The following FMN2 variants were observed in gnomAD, a reference collection of about 807,000 sequenced individuals.
FMN2 encodes the protein formin 2, also known as formin-2.
Under a neutral mutation model 142.3 loss-of-function variants are expected in FMN2, and 51 were observed. The ratio of observed to expected loss-of-function variants is 0.36; its 90% CI spans 0.29 to 0.45. FMN2 has a LOEUF of 0.45. Ranked by LOEUF, FMN2 falls within the 20% of genes least tolerant of loss-of-function variation. The probability of loss-of-function intolerance (pLI) is 1.00; values close to 1 mark genes in which losing one functional copy is unlikely to be tolerated. For synonymous variants in FMN2, 882 were observed against 869.8 expected, an observed-to-expected ratio of 1.01 and a Z score of -0.25; for missense variants, 1,936 against 2,122.8, an observed-to-expected ratio of 0.91 and a Z score of 1.73.
At chr1:240,439,232 C>A (rs1675514306) in intron 16 of FMN2, among the ~76,000 whole-genome samples, 1 of 142,586 alleles carries the variant, frequency 7.0e-6, no homozygotes, top group African/African-American at 2.7e-5. Context: ...GAGATCATGC[C>A]ACTGAACTTC....
intron 4 of FMN2, among the ~76,000 whole-genome samples, chr1:240,199,186 T>C (rs1052022561): frequency 1.3e-5 from 2 of 152,232 alleles, no homozygotes; most frequent in Non-Finnish European, 2.9e-5. Context: ...ATTTTACAGA[T>C]GTCTAGAGGT....
chr1:240,330,692 A>G lies in FMN2; in HGVS notation c.4527A>G (p.Gly1509=). Residue 1509 remains glycine, a synonymous_variant, in exon 11 of 18, where the codon GGA becomes GGG. Coordinates refer to ENST00000319653, the MANE Select transcript of FMN2 (RefSeq NM_020066.5). ...NYMNGGNKTR[G]QADGFGLDIL... The stretch of plus-strand genomic sequence containing the variant: ...TGAATGGAGGAAATAAGACTCGAGG[A>G]CAGGCAGATGGCTTTGGATTAGACA... 2 of 1,614,068 alleles carry G rather than the reference A, an allele frequency of 1.2e-6. No homozygotes were observed. Among genetic ancestry groups the G allele is most frequent in the Non-Finnish European group, 1.7e-6 (2 of 1,179,948 alleles).
Position 240,177,361 on chromosome 1 carries a change from C to CT in FMN2, c.1783-543dup, listed in dbSNP as rs201779468. ...TTGGCCAGAAGATCCCTATTCAATTCTTTTTTTTTTTTTTTTTCTTAGCAG... is the reference window on the plus strand; with the variant it reads ...TTGGCCAGAAGATCCCTATTCAATTCTTTTTTTTTTTTTTTTTTCTTAGCAG... On this transcript the variant is annotated intron_variant, in intron 2 of 17. Transcript: ENST00000319653. Among the ~76,000 whole-genome samples the CT allele has an allele frequency of 1.2e-3, 161 of 137,336 alleles. 2 individuals are homozygous for CT. Among genetic ancestry groups the CT allele is most frequent in the South Asian group, 2.6e-3 (11 of 4,292 alleles). 90.1% of individuals were successfully genotyped at this position (137,336 alleles called of 152,430 possible). A position where few individuals can be genotyped will look rare whatever the true frequency, so the allele number is the denominator to read the frequency against.
At chr1:240,409,503 G>A (rs1674326540) in intron 15 of FMN2, among the ~76,000 whole-genome samples, 3 of 152,112 alleles carry the variant, frequency 2.0e-5, no homozygotes, top group Admixed American at 6.6e-5. Flanking sequence ...AAGACATTTT[G>A]CATTTCTGTA....
intron 11 of FMN2, 38 bp downstream of exon 11, chr1:240,330,787 G>T (rs760010058): frequency 6.3e-7 from 1 of 1,597,598 alleles, no homozygotes; most frequent in Admixed American, 1.8e-5. Context: ...GCACATTGAG[G>T]AGTCAAGGTT....
chr1:240,206,676 T>A, intron 4 of FMN2, 123 bp from the exon 5 acceptor site: 1 of 1,188,700 alleles, frequency 8.4e-7, no homozygotes, highest in Non-Finnish European at 1.2e-6. Flanking sequence ...ATTAATACCA[T>A]CTTTCTGTCA....
At chr1:240,180,652 C>T (rs999379028) in intron 3 of FMN2, among the ~76,000 whole-genome samples, 4 of 149,684 alleles carry the variant, frequency 2.7e-5, no homozygotes, top group Non-Finnish European at 5.9e-5. Flanking sequence ...CTGCAACCTC[C>T]GCCTCCTGAG....
intron 2 of FMN2, among the ~76,000 whole-genome samples, chr1:240,155,277 C>A (rs2103280396): frequency 6.6e-6 from 1 of 152,116 alleles, no homozygotes; most frequent in South Asian, 2.1e-4. Context: ...GACTATAAAT[C>A]TTGTTTTAAT....
intron 16 of FMN2, among the ~76,000 whole-genome samples, chr1:240,454,296 A>C (rs12411151): frequency 0.75 from 113,275 of 152,002 alleles, 42,380 homozygotes; most frequent in Middle Eastern, 0.82. Context: ...AATCCCAGCA[A>C]TTTGGGAGGC....
At chr1:240,439,277 A>AG in intron 16 of FMN2, among the ~76,000 whole-genome samples, 3 of 146,076 alleles carry the variant, frequency 2.1e-5, no homozygotes, top group Non-Finnish European at 3.0e-5. Flanking sequence ...TCTCAAAAAA[A>AG]AAAAAGAAAG....
At chr1:240,382,394 G>T (rs1171280390) in intron 14 of FMN2, among the ~76,000 whole-genome samples, 3 of 151,858 alleles carry the variant, frequency 2.0e-5, no homozygotes, top group African/African-American at 7.3e-5. Flanking sequence ...TAAAATACCG[G>T]CTGGGCCTGT....
intron 7 of FMN2, among the ~76,000 whole-genome samples, chr1:240,281,027 C>G (rs1293498954): frequency 6.6e-6 from 1 of 152,086 alleles, no homozygotes; most frequent in Non-Finnish European, 1.5e-5. Context: ...GACAAGACGG[C>G]GACATACTGA....
intron 16 of FMN2, among the ~76,000 whole-genome samples, chr1:240,440,409 CTGTT>C (rs1184567228): frequency 1.3e-5 from 2 of 152,168 alleles, no homozygotes; most frequent in South Asian, 2.1e-4. Flanking sequence ...TAACAACCCA[CTGTT>C]TGGTGGCATT....
At chr1:240,192,606 G>A (rs139916707) in intron 4 of FMN2, among the ~76,000 whole-genome samples, 47 of 152,122 alleles carry the variant, frequency 3.1e-4, no homozygotes, top group African/African-American at 1.1e-3. Context: ...GAGATACTTG[G>A]GTCTGAAACC....
chr1:240,291,315 A>G (rs1253792430), intron 7 of FMN2, among the ~76,000 whole-genome samples: 1 of 134,988 alleles, frequency 7.4e-6, no homozygotes, highest in Non-Finnish European at 1.6e-5. Context: ...TCCTGGTTAA[A>G]TTGATTTATA....
At chr1:240,277,824 A>C (rs113258187) in intron 7 of FMN2, among the ~76,000 whole-genome samples, 4,737 of 152,044 alleles carry the variant, frequency 0.031, 220 homozygotes, top group African/African-American at 0.11. Context: ...TGTGAGCCAC[A>C]GCGCCTGGCC....
intron 6 of FMN2, among the ~76,000 whole-genome samples, chr1:240,240,078 CAT>C (rs1667840265): frequency 6.6e-6 from 1 of 152,082 alleles, no homozygotes; most frequent in Non-Finnish European, 1.5e-5. Context: ...TCCGTCTGCC[CAT>C]ATTAATTATA....
At chr1:240,346,379 T>C (rs1671908146) in intron 13 of FMN2, among the ~76,000 whole-genome samples, 1 of 152,134 alleles carries the variant, frequency 6.6e-6, no homozygotes, top group African/African-American at 2.4e-5. Flanking sequence ...GTGGTATCTC[T>C]CTCTCTCTCC....
chr1:240,465,896 C>T (rs1676604632), intron 16 of FMN2, among the ~76,000 whole-genome samples: 1 of 152,156 alleles, frequency 6.6e-6, no homozygotes, highest in Admixed American at 6.5e-5. Context: ...GAGTGTATCT[C>T]CCTTCTTCAT....
Sources: allele counts gnomAD v4.1 joint callset (sites outside exome capture counted in the v4.1 genomes callset), GRCh38; gene constraint gnomAD v4.1.1; transcripts MANE v1.5; gene names NCBI Gene and HGNC (gene_info 2026-07-23, HGNC 2026-07-21).